FLYWCH1: variants seen among roughly 807,000 people sequenced by gnomAD.
The protein encoded by FLYWCH1 is FLYWCH-type zinc finger-containing protein 1.
FLYWCH1 carries 75 observed loss-of-function variants against 66.4 expected under a neutral mutation model. The observed-to-expected ratio is 1.13, with a 90% CI of 0.94 to 1.37. FLYWCH1 has a LOEUF of 1.37. Among genes scored for constraint, FLYWCH1 ranks in the 40% most tolerant of loss-of-function variants. FLYWCH1 has a pLI of 0.00. For missense variants in FLYWCH1, 1,334 were observed against 1,001.8 expected (o/e 1.33, Z -4.48); for synonymous variants, 595 against 429.9 (o/e 1.38, Z -4.75).
chr16:2,921,603 A>G (rs552363968), intron 2 of FLYWCH1, among the ~76,000 whole-genome samples: 1 of 152,224 alleles, frequency 6.6e-6, no homozygotes, highest in South Asian at 2.1e-4. Flanking sequence ...CTCTACAAAG[A>G]ATACAGAAAT....
rs527484967 is a variant in FLYWCH1, at chr16:2,939,879, G to A, written c.2051-153G>A. 1.8e-5 allele frequency: 14 copies of A among 774,520 alleles called. No homozygotes were observed. The South Asian group carries it at 2.4e-4, about 13-fold the overall frequency. 48.0% of individuals were successfully genotyped at this position (774,520 alleles called of 1,614,324 possible). A position where few individuals can be genotyped will look rare whatever the true frequency, so the allele number is the denominator to read the frequency against. On this transcript the variant is annotated intron_variant, in intron 8 of 9. Transcript: ENST00000253928. Reference sequence around the variant, plus strand: ...CAAGTAGCTGCTGTTACCTGGGAAGGTAATTGATGCGTTGAATTCCCAGCG... The same window carrying A: ...CAAGTAGCTGCTGTTACCTGGGAAGATAATTGATGCGTTGAATTCCCAGCG...
At chr16:2,936,485 C>A in intron 6 of FLYWCH1, 1 of 444,324 alleles carries the variant, frequency 2.3e-6, no homozygotes, top group Non-Finnish European at 4.5e-6. Context: ...GGGCTTGCTA[C>A]CCACCCCCAT....
Position 2,937,176 on chromosome 16 carries a change from C to T in FLYWCH1, c.1569C>T (p.Ser523=), listed in dbSNP as rs368303013. The change falls in exon 7 of 10, where the codon TCC becomes TCT. Residue 523 remains serine (S), a synonymous_variant. Transcript: ENST00000253928. ...GGGGCAGCTTCCTGGTGTACGAGTC[C>T]TTCCTCTACCGGCGGGAGAAGGCGG... ...PLGGSFLVYE[S]FLYRREKAAG... is the part of the protein sequence containing the mutation. 6.2e-6 allele frequency: 10 copies of T among 1,609,696 alleles called. No individual in the cohort carries two copies. Among genetic ancestry groups the T allele is most frequent in the Non-Finnish European group, 7.6e-6 (9 of 1,178,808 alleles).
Position 2,938,291 on chromosome 16 carries a change from T to A in FLYWCH1, c.1885T>A (p.Trp629Arg). The A allele has an allele frequency of 6.2e-7, 1 of 1,612,454 alleles. No homozygotes were observed. The highest frequency in any genetic ancestry group is 8.5e-7 in the Non-Finnish European group (1 of 1,179,298). Residue 629 changes from tryptophan (W) to arginine (R), a missense_variant, in exon 8 of 10, where the codon TGG becomes AGG. By Grantham distance (101) the Trp-to-Arg change is moderately radical. Transcript: ENST00000253928. ...KEKAAGEKVYWMCRDQARLGC... is the reference protein window; with the variant it reads ...KEKAAGEKVYRMCRDQARLGC... ...GAAGGCGGCTGGGGAGAAGGTGTAC[T>A]GGATGTGCCGGGACCAGGCTCGGCT... is the stretch of plus-strand genomic sequence containing the variant.
At chr16:2,928,451 C>G (rs988363605) in intron 2 of FLYWCH1, among the ~76,000 whole-genome samples, 1 of 152,142 alleles carries the variant, frequency 6.6e-6, no homozygotes, top group African/African-American at 2.4e-5. Flanking sequence ...GCATTGTGTC[C>G]CTGGTTAATG....
chr16:2,913,483 A>G (rs1596347475), intron 1 of FLYWCH1, among the ~76,000 whole-genome samples: 1 of 152,106 alleles, frequency 6.6e-6, no homozygotes, highest in East Asian at 1.9e-4. Flanking sequence ...GCTCTTGGGC[A>G]ATTCTGCACC....
intron 2 of FLYWCH1, among the ~76,000 whole-genome samples, chr16:2,925,872 A>G (rs2070549905): frequency 6.6e-6 from 1 of 152,108 alleles, no homozygotes; most frequent in Admixed American, 6.5e-5. Flanking sequence ...CGGGAGTGGA[A>G]TGTGGGGCCC....
At chr16:2,924,972 A>G (rs944686754) in intron 2 of FLYWCH1, among the ~76,000 whole-genome samples, 7 of 152,198 alleles carry the variant, frequency 4.6e-5, no homozygotes, top group African/African-American at 1.4e-4. Flanking sequence ...CTCCATGGGA[A>G]TGTGGGGCTT....
chr16:2,932,179 G>T (rs1165092187), intron 4 of FLYWCH1, among the ~76,000 whole-genome samples: 1 of 150,730 alleles, frequency 6.6e-6, no homozygotes, highest in Admixed American at 6.6e-5. Context: ...TACTCGGGAG[G>T]CTAAGGCAGA....
At chr16:2,926,922 C>T (rs1206100607) in intron 2 of FLYWCH1, among the ~76,000 whole-genome samples, 3 of 152,182 alleles carry the variant, frequency 2.0e-5, no homozygotes, top group Non-Finnish European at 2.9e-5. Context: ...CAAGTACAAA[C>T]CCCAAGAGAA....
At chr16:2,916,734 T>C (rs1200236248) in intron 2 of FLYWCH1, among the ~76,000 whole-genome samples, 2 of 152,190 alleles carry the variant, frequency 1.3e-5, no homozygotes, top group Non-Finnish European at 2.9e-5. Flanking sequence ...TCCAGGATGC[T>C]TTCTCCATCA....
intron 2 of FLYWCH1, among the ~76,000 whole-genome samples, chr16:2,920,707 ATT>A (rs940010558): frequency 9.4e-4 from 142 of 150,666 alleles, no homozygotes; most frequent in African/African-American, 3.3e-3. Context: ...ATGCCTGGCT[ATT>A]TTTGTATTTT....
intron 2 of FLYWCH1, among the ~76,000 whole-genome samples, chr16:2,916,211 G>A (rs576431226): frequency 6.6e-6 from 1 of 152,268 alleles, no homozygotes; most frequent in South Asian, 2.1e-4. Context: ...TGGGCGTGTT[G>A]GTGCGTGCCT....
At chr16:2,915,944 A>T (rs890927589) in intron 2 of FLYWCH1, among the ~76,000 whole-genome samples, 2 of 152,202 alleles carry the variant, frequency 1.3e-5, no homozygotes, top group South Asian at 4.1e-4. Flanking sequence ...GGCTGATTTC[A>T]TCATATTTGG....
At position 2,934,552 on chromosome 16, in the gene FLYWCH1, C is replaced by T. The variant is rs1161138383; in HGVS notation, c.1513+573C>T. On this transcript the variant is annotated intron_variant, in intron 6 of 9. Coordinates refer to ENST00000253928, the MANE Select transcript of FLYWCH1 (RefSeq NM_001308068.2). ...AGTTGCGTAAATGTCCCCATAGCGT[C>T]TGGCTGAGGAGCCATTTCATCGTGG... 9.1e-6 allele frequency: 4 copies of T among 439,638 alleles called. No homozygotes were observed. The Admixed American group carries it at 1.0e-4, about 11-fold the overall frequency. The allele number at this position is 439,638 out of a possible 1,614,324, so 27.2% of individuals were successfully genotyped here.
chr16:2,938,624 T>G (rs1406088328), intron 8 of FLYWCH1, among the ~76,000 whole-genome samples, 168 bp downstream of exon 8: 1 of 150,580 alleles, frequency 6.6e-6, no homozygotes, highest in Non-Finnish European at 1.5e-5. Flanking sequence ...TTTTTTTTTT[T>G]TTTTTTGAGA....
rs747322764 is a variant in FLYWCH1 at position 2,933,258 on chromosome 16, C to G, written c.925C>G (p.Leu309Val). 6.2e-7 allele frequency: 1 copy of G among 1,613,360 alleles called. No homozygotes were observed. Among genetic ancestry groups the G allele is most frequent in the South Asian group, 1.1e-5 (1 of 91,040 alleles). ...KVYWTCRDHALHGCRSRAITQ... is the reference protein window; with the variant it reads ...KVYWTCRDHAVHGCRSRAITQ... ...GTATTGGACCTGCCGGGACCACGCG[C>G]TGCACGGCTGCCGGAGCCGGGCCAT... is the stretch of plus-strand genomic sequence containing the variant. The change falls in exon 5 of 10, where the codon CTG becomes GTG. Residue 309 changes from leucine to valine, a missense_variant. Leu to Val is a conservative substitution (Grantham distance 32, BLOSUM62 1). Transcript: ENST00000253928.
In FLYWCH1 at chr16:2,914,228, C is replaced by G. The variant is rs748828873; in HGVS notation, c.-135C>G. On this transcript the variant is annotated 5_prime_UTR_variant, in exon 2 of 10. Transcript: ENST00000253928. ...ATTTGCCCCCGGGGCTCCTGCCCAG[C>G]AAGCCAGCGCCGTGACCCAGGTGTG... 1.3e-5 allele frequency: 2 copies of G among 152,266 alleles called. No individual in the cohort carries two copies. Among genetic ancestry groups the G allele is most frequent in the African/African-American group, 2.4e-5 (1 of 41,464 alleles). 9.4% of individuals were successfully genotyped at this position (152,266 alleles called of 1,614,324 possible).
At chr16:2,922,746 A>G (rs139828199) in intron 2 of FLYWCH1, 3 of 510,516 alleles carry the variant, frequency 5.9e-6, no homozygotes, top group Admixed American at 2.0e-5. Context: ...ATCAGGCCCA[A>G]TCAGGGTATT....
Sources: gnomAD v4.1 joint callset for allele counts (sites outside exome capture counted in the v4.1 genomes callset) on GRCh38, gnomAD v4.1.1 for gene constraint, MANE v1.5 for transcripts, NCBI Gene and HGNC (gene_info 2026-07-23, HGNC 2026-07-21) for gene names.